Variants in POTEJ observed in about 807,000 individuals in gnomAD.
The protein encoded by POTEJ is POTE ankyrin domain family, member J.
POTEJ carries 11 observed loss-of-function variants against 69.0 expected under a neutral mutation model. The observed-to-expected ratio is 0.16, with a 90% CI of 0.10 to 0.26. The LOEUF is 0.26. Ranked by LOEUF, POTEJ falls within the 10% of genes least tolerant of loss-of-function variation. POTEJ has a pLI of 1.00. For missense variants in POTEJ, 327 were observed against 1,045.5 expected (o/e 0.31, Z 9.48); for synonymous variants, 117 against 381.1 (o/e 0.31, Z 8.07).
chr2:130,623,992 A>G (rs1685614977), intron 5 of POTEJ, 72 bp from the exon 6 acceptor site: 1 of 1,449,856 alleles, frequency 6.9e-7, no homozygotes, highest in African/African-American at 1.8e-5. Context: ...TACTCTTAAT[A>G]ATTCTGCATT....
intron 6 of POTEJ, among the ~76,000 whole-genome samples, chr2:130,626,659 T>C (rs2105214650): frequency 6.6e-6 from 1 of 152,294 alleles, no homozygotes; most frequent in East Asian, 1.9e-4. Flanking sequence ...TGGAAGGTTC[T>C]TTACCCTGTA....
At chr2:130,614,498 TAC>T (rs1383753334) in intron 1 of POTEJ, among the ~76,000 whole-genome samples, 3 of 149,830 alleles carry the variant, frequency 2.0e-5, no homozygotes, top group African/African-American at 7.5e-5. Context: ...TGTCAGTAGA[TAC>T]AGAGATATGT....
intron 6 of POTEJ, among the ~76,000 whole-genome samples, chr2:130,626,294 T>C (rs1314419523): frequency 1.3e-3 from 200 of 150,944 alleles, no homozygotes; most frequent in African/African-American, 4.8e-3. Context: ...GGATTTCTTC[T>C]TCAAGAAAGA....
chr2:130,636,774 TG>T (rs1686107821), intron 9 of POTEJ, among the ~76,000 whole-genome samples: 2 of 148,134 alleles, frequency 1.4e-5, no homozygotes, highest in South Asian at 2.1e-4. Flanking sequence ...CTGTGTATAT[TG>T]TTTGATTGAT....
At chr2:130,655,328 T>C (rs1686946126) in intron 14 of POTEJ, among the ~76,000 whole-genome samples, 1 of 152,202 alleles carries the variant, frequency 6.6e-6, no homozygotes. Flanking sequence ...AAATAAGTTT[T>C]GCTACTGAAA....
chr2:130,624,540 A>G (rs1256281455), intron 6 of POTEJ, among the ~76,000 whole-genome samples: 23 of 151,972 alleles, frequency 1.5e-4, no homozygotes, highest in Non-Finnish European at 2.6e-4. Context: ...CTGGAGGCAG[A>G]GTACAGGCGG....
In POTEJ at chr2:130,612,519, C is replaced by G. The variant is rs544301299; in HGVS notation, c.410+577C>G. Among the ~76,000 whole-genome samples, 4 of 152,406 alleles carry G rather than the reference C, an allele frequency of 2.6e-5. No homozygotes were observed. In the South Asian group the frequency reaches 8.3e-4, roughly 32 times the overall value. The stretch of plus-strand genomic sequence containing the variant: ...CGGTGGCTCATGCCTGTAATCCCAG[C>G]ACTTTGGGAGGCGGGCGGATCACGA... On this transcript the variant is annotated intron_variant, in intron 1 of 14. Coordinates refer to ENST00000409602, the MANE Select transcript of POTEJ (RefSeq NM_001277083.2).
At chr2:130,635,420 G>A (rs1157384468) in intron 9 of POTEJ, among the ~76,000 whole-genome samples, 1 of 119,962 alleles carries the variant, frequency 8.3e-6, no homozygotes, top group African/African-American at 3.2e-5. Context: ...GTCTGCCTTG[G>A]CCTCACAAAG....
At position 130,631,922 on chromosome 2, in the gene POTEJ, C is replaced by T. The variant is rs879574476; in HGVS notation, c.1131+469C>T. Among the ~76,000 whole-genome samples the T allele has an allele frequency of 1.5e-4, 22 of 143,322 alleles. 1 individual carries two copies. Among genetic ancestry groups the T allele is most frequent in the Non-Finnish European group, 2.6e-4 (17 of 65,900 alleles). 94.0% of individuals were successfully genotyped at this position (143,322 alleles called of 152,430 possible). On this transcript the variant is annotated intron_variant, in intron 8 of 14. Coordinates refer to ENST00000409602, the MANE Select transcript of POTEJ (RefSeq NM_001277083.2). ...CTTGTGTTTTGGCAAACTTTGGCTC[C>T]CATTTTCAGTGAGCACCATCATGTT...
rs1365133213 is a variant in POTEJ at position 130,638,709 on chromosome 2, A to T, written c.1369+20A>T. The stretch of plus-strand genomic sequence containing the variant: ...ACCCAGGTAAGACTTGTGATAGTGA[A>T]TTACTTTAGGTCAGTTGTCCACAAT... On this transcript the variant is annotated intron_variant, in intron 10 of 14. Coordinates refer to ENST00000409602, the MANE Select transcript of POTEJ (RefSeq NM_001277083.2). The T allele has an allele frequency of 1.0e-6, 1 of 972,230 alleles. No individual in the cohort carries two copies. Among genetic ancestry groups the T allele is most frequent in the African/African-American group, 1.6e-5 (1 of 60,720 alleles). The allele number at this position is 972,230 out of a possible 1,614,324, so 60.2% of individuals were successfully genotyped here.
chr2:130,655,576 G>C (rs1360243421), intron 14 of POTEJ, among the ~76,000 whole-genome samples: 22 of 152,136 alleles, frequency 1.4e-4, no homozygotes, highest in Non-Finnish European at 1.5e-5. Flanking sequence ...ATAATTTATT[G>C]ATAAGTATTT....
At chr2:130,629,148 CTA>C (rs1374835704) in intron 6 of POTEJ, among the ~76,000 whole-genome samples, 2 of 151,292 alleles carry the variant, frequency 1.3e-5, no homozygotes, top group Non-Finnish European at 2.9e-5. Flanking sequence ...TTGTAAGGTA[CTA>C]TTGTTGCAGA....
At chr2:130,649,726 T>C (rs558124877) in intron 13 of POTEJ, among the ~76,000 whole-genome samples, 3,000 of 148,650 alleles carry the variant, frequency 0.02, 2 homozygotes, top group Non-Finnish European at 0.031. Flanking sequence ...TTATCTCTAT[T>C]GCTGTGTTTC....
intron 6 of POTEJ, among the ~76,000 whole-genome samples, chr2:130,627,083 A>G (rs1270968222): frequency 6.6e-6 from 1 of 152,116 alleles, no homozygotes; most frequent in Non-Finnish European, 1.5e-5. Context: ...GTTGTACAGT[A>G]GTATTTAACC....
chr2:130,625,785 A>G (rs1279326614), intron 6 of POTEJ, among the ~76,000 whole-genome samples: 1 of 138,910 alleles, frequency 7.2e-6, no homozygotes, highest in Non-Finnish European at 1.5e-5. Flanking sequence ...GTGAATACTT[A>G]GCTAAGGCAA....
intron 6 of POTEJ, among the ~76,000 whole-genome samples, chr2:130,626,972 G>C (rs1447330810): frequency 2.0e-5 from 3 of 152,168 alleles, no homozygotes; most frequent in African/African-American, 7.3e-5. Flanking sequence ...GGAATATAAA[G>C]CAGAGGCAGA....
chr2:130,655,754 G>T (rs1216966842), intron 14 of POTEJ, among the ~76,000 whole-genome samples: 2 of 140,602 alleles, frequency 1.4e-5, no homozygotes, highest in Admixed American at 7.1e-5. Context: ...GAAACAAAAG[G>T]TTTCTTTTGT....
At chr2:130,633,025 G>C (rs1685964845) in intron 9 of POTEJ, among the ~76,000 whole-genome samples, 1 of 146,094 alleles carries the variant, frequency 6.8e-6, no homozygotes, top group African/African-American at 2.6e-5. Context: ...TAGTTTTTTG[G>C]TCATCTCCCT....
chr2:130,634,656 C>A (rs1324508241), intron 9 of POTEJ, among the ~76,000 whole-genome samples: 2 of 129,404 alleles, frequency 1.5e-5, no homozygotes, highest in South Asian at 2.8e-4. Context: ...ATTTTTATAA[C>A]CTTTAAAATA....
Sources: gnomAD v4.1 joint callset for allele counts (sites outside exome capture counted in the v4.1 genomes callset) on GRCh38, gnomAD v4.1.1 for gene constraint, MANE v1.5 for transcripts, NCBI Gene and HGNC (gene_info 2026-07-23, HGNC 2026-07-21) for gene names.